Variants in LRP2 observed in about 807,000 individuals in gnomAD.
LRP2 encodes low-density lipoprotein receptor-related protein 2.
A neutral mutation model predicts 531.0 loss-of-function variants in LRP2; 172 were observed. The ratio of observed to expected loss-of-function variants is 0.32; its 90% confidence interval spans 0.29 to 0.37. The LOEUF (loss-of-function observed/expected upper bound fraction) is 0.37, where lower values mean the gene tolerates loss of function less well. LRP2 is among the 10% of genes least tolerant of loss of function. The pLI, the probability that LRP2 is intolerant of heterozygous loss-of-function variation, is 1.00. For synonymous variants in LRP2, 1,992 were observed against 2,027.6 expected, an observed-to-expected ratio of 0.98 and a Z score of 0.47; for missense variants, 5,167 against 5,868.3, an observed-to-expected ratio of 0.88 and a Z score of 3.90.
intron 7 of LRP2, among the ~76,000 whole-genome samples, chr2:169,291,565 C>T (rs999759288): frequency 6.6e-6 from 1 of 152,142 alleles, no homozygotes; most frequent in African/African-American, 2.4e-5. Flanking sequence ...TTAGTAACTG[C>T]TAAATTGTTG....
intron 53 of LRP2, 145 bp from the exon 54 acceptor site, chr2:169,176,733 C>T (rs1687209050): frequency 1.4e-6 from 1 of 740,256 alleles, no homozygotes; most frequent in South Asian, 1.6e-5. Flanking sequence ...CCAAAAGTTC[C>T]TAAATAAAAC....
At chr2:169,159,142 G>A (rs1422724226) in intron 63 of LRP2, among the ~76,000 whole-genome samples, 1 of 152,174 alleles carries the variant, frequency 6.6e-6, no homozygotes, top group Non-Finnish European at 1.5e-5. Flanking sequence ...ATGGGGGAAA[G>A]AGAGGCAGTG....
intron 2 of LRP2, 40 bp downstream of exon 2, chr2:169,320,737 T>C (rs1176920396): frequency 6.7e-7 from 1 of 1,496,566 alleles, no homozygotes; most frequent in East Asian, 2.3e-5. Context: ...AGCACTTAGG[T>C]TACTCAAAAT....
Position 169,137,351 on chromosome 2 carries a change from C to T in LRP2, c.13620+41G>A, listed in dbSNP as rs201153553. 433 of 1,315,222 alleles carry T rather than the reference C, an allele frequency of 3.3e-4. 1 individual carries two copies. In the African/African-American group the frequency reaches 4.9e-3, roughly 15 times the overall value. The allele number at this position is 1,315,222 out of a possible 1,614,324, so 81.5% of individuals were successfully genotyped here. Reference sequence around the variant, plus strand: ...CATGACTCAATAGATTAAGATCCAGCGACAGCAGTAACTGAAAGAAAAGAC... The same window carrying T: ...CATGACTCAATAGATTAAGATCCAGTGACAGCAGTAACTGAAAGAAAAGAC... On this transcript the variant is annotated intron_variant, in intron 76 of 78. Coordinates refer to ENST00000649046, the MANE Select transcript of LRP2 (RefSeq NM_004525.3).
chr2:169,173,081 T>G lies in LRP2; in HGVS notation c.11143+15A>C. On this transcript the variant is annotated intron_variant, in intron 57 of 78. Transcript: ENST00000649046. ...TTTCTTGTCCCTCCCTCCACTCCCC[T>G]GTGGCCCCTCCTACCACAGCCTTGC... The G allele has an allele frequency of 6.2e-7, 1 of 1,614,134 alleles. No homozygotes were observed. Among genetic ancestry groups the G allele is most frequent in the Non-Finnish European group, 8.5e-7 (1 of 1,180,002 alleles).
At chr2:169,320,566 A>T (rs1242456947) in intron 2 of LRP2, among the ~76,000 whole-genome samples, 1 of 152,250 alleles carries the variant, frequency 6.6e-6, no homozygotes. Context: ...ATGCTCTATC[A>T]TCAATGTGAA....
intron 38 of LRP2, among the ~76,000 whole-genome samples, chr2:169,208,896 A>G (rs914638719): frequency 6.6e-6 from 1 of 152,222 alleles, no homozygotes; most frequent in Non-Finnish European, 1.5e-5. Flanking sequence ...AGTGATAAAA[A>G]TGAGGGGTTA....
chr2:169,231,788 T>C lies in LRP2; in HGVS notation c.5153A>G (p.Gln1718Arg). 6.2e-7 allele frequency: 1 copy of C among 1,614,008 alleles called. No individual in the cohort carries two copies. Among genetic ancestry groups the C allele is most frequent in the Non-Finnish European group, 8.5e-7 (1 of 1,179,992 alleles). Reference sequence around the variant, plus strand: ...AACACAGGAGTAAAAATGAGGCCCCTGTGAGGAAAGCAGGCAGAGATGGCT... The same window carrying C: ...AACACAGGAGTAAAAATGAGGCCCCCGTGAGGAAAGCAGGCAGAGATGGCT... ...RCSHLCLLSS[Q>R]GPHFYSCVCP... The change falls in exon 31 of 79, where the codon CAG (glutamine) becomes CGG (arginine). Residue 1718 changes from glutamine to arginine, a missense_variant. Transcript: ENST00000649046.
intron 9 of LRP2, among the ~76,000 whole-genome samples, chr2:169,287,722 G>A (rs1683895867): frequency 6.6e-6 from 1 of 151,390 alleles, no homozygotes; most frequent in Admixed American, 6.6e-5. Flanking sequence ...AGCTGTATTT[G>A]ACAAAGTATA....
intron 3 of LRP2, 113 bp from the exon 4 acceptor site, chr2:169,307,510 AG>A: frequency 1.4e-6 from 1 of 722,068 alleles, no homozygotes; most frequent in South Asian, 1.5e-5. Context: ...CACAAGGTAA[AG>A]TACCTGGCTA....
At position 169,347,303 on chromosome 2, in the gene LRP2, T is replaced by C. The variant is rs188385364; in HGVS notation, c.79+15018A>G. The stretch of plus-strand genomic sequence containing the variant: ...ATCTTTGGCCGTAGTGAGAGATACT[T>C]TGGGACCAAGAGACCTTTAAGCACA... On this transcript the variant is annotated intron_variant, in intron 1 of 78. Transcript: ENST00000649046. 2.6e-4 allele frequency among the ~76,000 whole-genome samples: 39 copies of C among 152,338 alleles called. 1 individual carries two copies. The East Asian group carries it at 7.5e-3, about 29-fold the overall frequency.
At chr2:169,214,186 T>C (rs745531956) in intron 35 of LRP2, among the ~76,000 whole-genome samples, 21 of 152,108 alleles carry the variant, frequency 1.4e-4, no homozygotes, top group Non-Finnish European at 2.6e-4. Context: ...AAGGATATAC[T>C]CAAACATCTA....
intron 64 of LRP2, among the ~76,000 whole-genome samples, chr2:169,156,664 C>A (rs904458937): frequency 2.6e-5 from 4 of 152,172 alleles, no homozygotes; most frequent in Non-Finnish European, 5.9e-5. Flanking sequence ...AGCTGATAAG[C>A]AATGGAGACA....
intron 77 of LRP2, among the ~76,000 whole-genome samples, chr2:169,132,259 T>A (rs902194488): frequency 5.9e-5 from 9 of 152,344 alleles, no homozygotes; most frequent in Non-Finnish European, 1.3e-4. Context: ...TCTTTATTCA[T>A]ACTGAGTCAA....
chr2:169,347,516 A>G (rs920161796), intron 1 of LRP2, among the ~76,000 whole-genome samples: 6 of 152,114 alleles, frequency 3.9e-5, no homozygotes, highest in African/African-American at 1.4e-4. Flanking sequence ...TGCTGTCCCT[A>G]ACGGAAGGTT....
chr2:169,362,526 C>G lies in LRP2; in HGVS notation c.-127G>C. On this transcript the variant is annotated 5_prime_UTR_variant, in exon 1 of 79. Coordinates refer to ENST00000649046, the MANE Select transcript of LRP2 (RefSeq NM_004525.3). ...TGCACCTCCGCCAGCTCCTAGTGGC[C>G]AAAAGCCTGCCCCCACGCCCGAGGC... 1 of 823,892 alleles carries G rather than the reference C, an allele frequency of 1.2e-6. No homozygotes were observed. The highest frequency in any genetic ancestry group is 2.0e-6 in the Non-Finnish European group (1 of 504,134). 51.0% of individuals were successfully genotyped at this position (823,892 alleles called of 1,614,324 possible). A position where few individuals can be genotyped will look rare whatever the true frequency, so the allele number is the denominator to read the frequency against.
At chr2:169,212,785 G>A (rs1688640790) in intron 36 of LRP2, among the ~76,000 whole-genome samples, 1 of 151,820 alleles carries the variant, frequency 6.6e-6, no homozygotes, top group East Asian at 1.9e-4. Context: ...GTGGGAGGGG[G>A]GCGAGGGATA....
intron 16 of LRP2, among the ~76,000 whole-genome samples, chr2:169,261,069 C>G (rs1690527388): frequency 6.6e-6 from 1 of 151,942 alleles, no homozygotes; most frequent in African/African-American, 2.4e-5. Context: ...GGTGAGTAAT[C>G]AGTGAGAAAT....
chr2:169,207,373 C>T lies in LRP2; in HGVS notation c.6470-123G>A, dbSNP rs909032477. ...TCTGGGTCACTATATGTTGTCTTTT[C>T]CAAGATGATAGTGTCCCAGTCTAGG... On this transcript the variant is annotated intron_variant, in intron 38 of 78. Transcript: ENST00000649046. 77 of 728,484 alleles carry T rather than the reference C, an allele frequency of 1.1e-4. 2 individuals are homozygous for T. The South Asian group carries it at 1.2e-3, about 11-fold the overall frequency. 45.1% of individuals were successfully genotyped at this position (728,484 alleles called of 1,614,324 possible).
Sources: allele counts gnomAD v4.1 joint callset (sites outside exome capture counted in the v4.1 genomes callset), GRCh38; gene constraint gnomAD v4.1.1; transcripts MANE v1.5; gene names NCBI Gene and HGNC (gene_info 2026-07-23, HGNC 2026-07-21).